Variants in GPR63 observed in about 807,000 individuals in gnomAD.
The protein encoded by GPR63 is G protein-coupled receptor 63, also known as probable G protein-coupled receptor 63.
Under a neutral mutation model 23.1 loss-of-function variants are expected in GPR63, and 12 were observed. That is an observed-to-expected ratio of 0.52 (90% confidence interval 0.33 to 0.84). The LOEUF is 0.84. Among genes scored for constraint, GPR63 ranks in the 40% least tolerant of loss-of-function variants. The pLI is 0.02. For missense variants in GPR63, 472 were observed against 515.6 expected (o/e 0.92, Z 0.82); for synonymous variants, 172 against 191.1 (o/e 0.90, Z 0.82).
chr6:96,822,178 T>C (rs978038367), intron 1 of GPR63, among the ~76,000 whole-genome samples: 3 of 152,100 alleles, frequency 2.0e-5, no homozygotes, highest in Admixed American at 6.5e-5. Flanking sequence ...AATTTTGTCA[T>C]GAGTGGGAAA....
rs1773531629 is a variant in GPR63, at chr6:96,794,483, A to T, written c.*3989T>A. On this transcript the variant is annotated 3_prime_UTR_variant, in exon 2 of 2. Coordinates refer to ENST00000229955, the MANE Select transcript of GPR63 (RefSeq NM_030784.4). ...TTAAACTAAAAATCATTGTAGAATAAAATGTCAAGCAAGTGAAAACTTTTC... is the reference window on the plus strand; with the variant it reads ...TTAAACTAAAAATCATTGTAGAATATAATGTCAAGCAAGTGAAAACTTTTC... 1 of 152,220 alleles carries T rather than the reference A, an allele frequency of 6.6e-6. No individual in the cohort carries two copies. Among genetic ancestry groups the T allele is most frequent in the African/African-American group, 2.4e-5 (1 of 41,468 alleles). 9.4% of individuals were successfully genotyped at this position (152,220 alleles called of 1,614,324 possible). A position where few individuals can be genotyped will look rare whatever the true frequency, so the allele number is the denominator to read the frequency against.
At chr6:96,821,192 T>C (rs1289390384) in intron 1 of GPR63, among the ~76,000 whole-genome samples, 3 of 152,218 alleles carry the variant, frequency 2.0e-5, no homozygotes, top group Non-Finnish European at 2.9e-5. Flanking sequence ...TTAAGCGAGA[T>C]AGCAAATGTC....
At chr6:96,815,010 C>CT (rs1774128495) in intron 1 of GPR63, among the ~76,000 whole-genome samples, 1 of 151,088 alleles carries the variant, frequency 6.6e-6, no homozygotes, top group East Asian at 1.9e-4. Context: ...AATCCAAACA[C>CT]TATGGATAAA....
intron 1 of GPR63, among the ~76,000 whole-genome samples, chr6:96,807,068 G>GA (rs1483688948): frequency 1.3e-5 from 2 of 152,234 alleles, no homozygotes; most frequent in Non-Finnish European, 2.9e-5. Context: ...TGCCAGAGAT[G>GA]AAAAACTACA....
chr6:96,820,261 C>T (rs1774280487), intron 1 of GPR63, among the ~76,000 whole-genome samples: 1 of 152,138 alleles, frequency 6.6e-6, no homozygotes, highest in East Asian at 1.9e-4. Context: ...ATCATGCCTG[C>T]TGTCCATGGG....
At chr6:96,835,215 T>C (rs1392004321) in intron 1 of GPR63, among the ~76,000 whole-genome samples, 1 of 152,170 alleles carries the variant, frequency 6.6e-6, no homozygotes, top group Non-Finnish European at 1.5e-5. Context: ...GCTGAAAAGA[T>C]GACAAGCCCT....
chr6:96,817,009 TAAAG>T (rs1774181285), intron 1 of GPR63, among the ~76,000 whole-genome samples: 1 of 152,114 alleles, frequency 6.6e-6, no homozygotes, highest in Non-Finnish European at 1.5e-5. Flanking sequence ...GCACTGGCTA[TAAAG>T]AGTGATAAAC....
chr6:96,830,845 C>G (rs1362116936), intron 1 of GPR63, among the ~76,000 whole-genome samples: 1 of 152,150 alleles, frequency 6.6e-6, no homozygotes, highest in Non-Finnish European at 1.5e-5. Flanking sequence ...AGTTTTGTTA[C>G]TAGAAGTGAC....
intron 1 of GPR63, among the ~76,000 whole-genome samples, chr6:96,804,911 C>T (rs761036056): frequency 3.3e-5 from 5 of 151,950 alleles, no homozygotes; most frequent in Non-Finnish European, 7.4e-5. Flanking sequence ...GAATATTTTC[C>T]GTTCTTGTTT....
intron 1 of GPR63, among the ~76,000 whole-genome samples, chr6:96,831,700 A>G (rs1432481898): frequency 2.0e-5 from 3 of 152,094 alleles, no homozygotes; most frequent in Non-Finnish European, 4.4e-5. Flanking sequence ...AGAGGTCAGG[A>G]GTTCAAGACC....
chr6:96,803,556 T>C, intron 1 of GPR63, among the ~76,000 whole-genome samples: 1 of 152,222 alleles, frequency 6.6e-6, no homozygotes, highest in Non-Finnish European at 1.5e-5. Flanking sequence ...TGTACAGTGG[T>C]CGTCATTCAC....
intron 1 of GPR63, among the ~76,000 whole-genome samples, chr6:96,833,948 A>G (rs1774656095): frequency 6.6e-6 from 1 of 152,158 alleles, no homozygotes; most frequent in South Asian, 2.1e-4. Context: ...CTGCAAATAT[A>G]CCATCTATTC....
intron 1 of GPR63, among the ~76,000 whole-genome samples, chr6:96,836,569 G>A (rs972454421): frequency 6.6e-6 from 1 of 151,440 alleles, no homozygotes; most frequent in Non-Finnish European, 1.5e-5. Context: ...GCAAGCCCTG[G>A]GGGAAATTTT....
chr6:96,819,929 T>C (rs1469850487), intron 1 of GPR63, among the ~76,000 whole-genome samples: 2 of 138,088 alleles, frequency 1.4e-5, no homozygotes, highest in Non-Finnish European at 3.0e-5. Context: ...TGAGCTGATA[T>C]CGCTCACTGC....
chr6:96,820,224 C>G (rs1774279404), intron 1 of GPR63, among the ~76,000 whole-genome samples: 1 of 152,080 alleles, frequency 6.6e-6, no homozygotes, highest in Non-Finnish European at 1.5e-5. Flanking sequence ...GTTAAGACAG[C>G]AAAATAAGCA....
intron 1 of GPR63, among the ~76,000 whole-genome samples, chr6:96,826,080 C>G (rs1460501580): frequency 2.0e-5 from 3 of 152,016 alleles, no homozygotes; most frequent in Non-Finnish European, 4.4e-5. Flanking sequence ...CATAAAATAA[C>G]TATTCATTTT....
At chr6:96,824,158 G>C (rs755563795) in intron 1 of GPR63, among the ~76,000 whole-genome samples, 7 of 152,186 alleles carry the variant, frequency 4.6e-5, no homozygotes, top group Non-Finnish European at 1.0e-4. Context: ...TAGGCAAAGA[G>C]TGGGAAAGAA....
chr6:96,836,441 T>C lies in GPR63; in HGVS notation c.-151+827A>G, dbSNP rs542256462. 9.9e-5 allele frequency among the ~76,000 whole-genome samples: 15 copies of C among 152,248 alleles called. No homozygotes were observed. The South Asian group carries it at 2.7e-3, about 27-fold the overall frequency. Reference sequence around the variant, plus strand: ...AGAGAAATCCTATTTTAAAAACATATGGTTTAAACTTCATCCTACCTCACT... The same window carrying C: ...AGAGAAATCCTATTTTAAAAACATACGGTTTAAACTTCATCCTACCTCACT... On this transcript the variant is annotated intron_variant, in intron 1 of 1. Coordinates refer to ENST00000229955, the MANE Select transcript of GPR63 (RefSeq NM_030784.4).
Position 96,796,359 on chromosome 6 carries a change from A to C in GPR63, c.*2113T>G, listed in dbSNP as rs919083367. The C allele has an allele frequency of 1.3e-5, 2 of 152,208 alleles. No individual in the cohort carries two copies. Among genetic ancestry groups the C allele is most frequent in the African/African-American group, 4.8e-5 (2 of 41,456 alleles). The allele number at this position is 152,208 out of a possible 1,614,324, so 9.4% of individuals were successfully genotyped here. ...TCTGGTTTTACAAATGAAGAAATAG[A>C]AGCTTATTTTTTCCACTGGCTCACA... On this transcript the variant is annotated 3_prime_UTR_variant, in exon 2 of 2. Coordinates refer to ENST00000229955, the MANE Select transcript of GPR63 (RefSeq NM_030784.4).
Sources: allele counts gnomAD v4.1 joint callset (sites outside exome capture counted in the v4.1 genomes callset), GRCh38; gene constraint gnomAD v4.1.1; transcripts MANE v1.5; gene names NCBI Gene and HGNC (gene_info 2026-07-23, HGNC 2026-07-21).